STAB2: variants seen among roughly 807,000 people sequenced by gnomAD.
The protein encoded by STAB2 is stabilin-2.
Under a neutral mutation model 338.1 loss-of-function variants are expected in STAB2, and 288 were observed. The observed-to-expected ratio is 0.85, with a 90% confidence interval of 0.77 to 0.94. The LOEUF is 0.94. Ranked by LOEUF, STAB2 falls within the 40% of genes least tolerant of loss-of-function variation. The pLI, the probability that STAB2 is intolerant of heterozygous loss-of-function variation, is 0.00. For synonymous variants in STAB2, 1,202 were observed against 1,193.3 expected (o/e 1.01, Z -0.15); for missense variants, 3,141 against 3,210.1 (o/e 0.98, Z 0.52).
chr12:103,617,599 C>T (rs1264454160), intron 3 of STAB2, among the ~76,000 whole-genome samples: 1 of 152,204 alleles, frequency 6.6e-6, no homozygotes, highest in African/African-American at 2.4e-5. Flanking sequence ...TGCAATGTCC[C>T]AGCTCCTCCC....
At chr12:103,645,364 T>C (rs1873252407) in intron 9 of STAB2, among the ~76,000 whole-genome samples, 1 of 152,196 alleles carries the variant, frequency 6.6e-6, no homozygotes, top group African/African-American at 2.4e-5. Context: ...ATGCATTCCA[T>C]TAGCACTGAG....
At chr12:103,669,353 G>T (rs75406276) in intron 20 of STAB2, 188 bp from the exon 21 acceptor site, 29,742 of 586,850 alleles carry the variant, frequency 0.051, 927 homozygotes, top group African/African-American at 0.078. Flanking sequence ...CCAGGGGAGG[G>T]GCTCAGTAGA....
intron 10 of STAB2, 106 bp downstream of exon 10, chr12:103,648,929 A>C (rs2138722118): frequency 6.7e-7 from 1 of 1,485,910 alleles, no homozygotes; most frequent in South Asian, 1.4e-5. Flanking sequence ...TGTCTATTAG[A>C]ATCAGCCTTT....
intron 52 of STAB2, among the ~76,000 whole-genome samples, chr12:103,736,437 C>T (rs1163371788): frequency 1.3e-5 from 2 of 152,188 alleles, no homozygotes; most frequent in Non-Finnish European, 2.9e-5. Flanking sequence ...ATTAGAATTG[C>T]ATTGAATTTA....
At chr12:103,687,992 A>G (rs1877581335) in intron 27 of STAB2, among the ~76,000 whole-genome samples, 176 bp from the exon 28 acceptor site, 1 of 152,254 alleles carries the variant, frequency 6.6e-6, no homozygotes, top group South Asian at 2.1e-4. Flanking sequence ...ATGGAAATGC[A>G]GCTAGCTGGA....
rs369188029 is a variant in STAB2, at chr12:103,748,988, C to T, written c.6270C>T (p.Asn2090=). Reference sequence around the variant, plus strand: ...TTGTGGATTTCTGCAAACAGGACAACGGGGGCTGTGCAAAGGTGGCCAGAT... The same window carrying T: ...TTGTGGATTTCTGCAAACAGGACAATGGGGGCTGTGCAAAGGTGGCCAGAT... ...CTVVDFCKQD[N]GGCAKVARCS... The change falls in exon 59 of 69, where the codon AAC becomes AAT. Residue 2090 remains asparagine, a synonymous_variant. Transcript: ENST00000388887. 64 of 1,613,706 alleles carry T rather than the reference C, an allele frequency of 4.0e-5. No homozygotes were observed. Among genetic ancestry groups the T allele is most frequent in the Admixed American group, 1.2e-4 (7 of 59,976 alleles).
intron 33 of STAB2, among the ~76,000 whole-genome samples, chr12:103,697,826 G>A (rs1003883802): frequency 5.9e-5 from 9 of 152,220 alleles, no homozygotes; most frequent in African/African-American, 1.9e-4. Flanking sequence ...GAGAACAATG[G>A]GAGGAGGTTG....
At chr12:103,704,462 A>G in intron 35 of STAB2, 96 bp from the exon 36 acceptor site, 1 of 1,271,364 alleles carries the variant, frequency 7.9e-7, no homozygotes, top group Non-Finnish European at 1.1e-6. Context: ...ATCTGCCTTG[A>G]TTTTTAATTC....
intron 3 of STAB2, among the ~76,000 whole-genome samples, chr12:103,606,600 A>G (rs1957031609): frequency 6.6e-6 from 1 of 152,056 alleles, no homozygotes; most frequent in Non-Finnish European, 1.5e-5. Context: ...TTTTTGAAAG[A>G]TATTGTTGTA....
At chr12:103,607,522 G>T (rs1240090788) in intron 3 of STAB2, among the ~76,000 whole-genome samples, 1 of 151,890 alleles carries the variant, frequency 6.6e-6, no homozygotes, top group Non-Finnish European at 1.5e-5. Context: ...ATCTCCTAAT[G>T]CTATCCCTCC....
intron 44 of STAB2, among the ~76,000 whole-genome samples, chr12:103,718,353 C>A (rs186036540): frequency 1.3e-5 from 2 of 152,294 alleles, no homozygotes; most frequent in Non-Finnish European, 2.9e-5. Flanking sequence ...AACTACCCTC[C>A]ATGGCCCCTA....
chr12:103,640,022 A>G, intron 8 of STAB2, 101 bp from the exon 9 acceptor site: 1 of 1,410,160 alleles, frequency 7.1e-7, no homozygotes, highest in Non-Finnish European at 9.6e-7. Flanking sequence ...ACATACTCTG[A>G]GTGAGTTTTT....
At chr12:103,649,141 C>T (rs1314684863) in intron 10 of STAB2, among the ~76,000 whole-genome samples, 1 of 152,114 alleles carries the variant, frequency 6.6e-6, no homozygotes, top group East Asian at 1.9e-4. Context: ...ACAAACTGTC[C>T]CCCTCGTCCT....
chr12:103,749,030 G>A lies in STAB2; in HGVS notation c.6312G>A (p.Thr2104=), dbSNP rs151012888. 31 of 1,613,986 alleles carry A rather than the reference G, an allele frequency of 1.9e-5. No individual in the cohort carries two copies. The highest frequency in any genetic ancestry group is 3.3e-4 in the Middle Eastern group (2 of 6,084). Residue 2104 remains threonine, a synonymous_variant, in exon 59 of 69, where the codon ACG becomes ACA. Transcript: ENST00000388887. The part of the protein sequence containing the change: ...AKVARCSQKG[T]KVSCSCQKGY... The stretch of plus-strand genomic sequence containing the variant: ...TGGCCAGATGCTCCCAGAAGGGCAC[G>A]AAGGTCTCCTGCAGCTGCCAGAAGG...
At chr12:103,617,915 T>C (rs1783737875) in intron 3 of STAB2, among the ~76,000 whole-genome samples, 1 of 152,210 alleles carries the variant, frequency 6.6e-6, no homozygotes, top group South Asian at 2.1e-4. Context: ...GACTGTGTCG[T>C]TTACTAATAT....
At chr12:103,749,841 C>CAGAAAA (rs1883451814) in intron 59 of STAB2, among the ~76,000 whole-genome samples, 1 of 51,132 alleles carries the variant, frequency 2.0e-5, no homozygotes, top group Non-Finnish European at 3.5e-5. Context: ...CTCTGTCTCA[C>CAGAAAA]AAAAAAAAAA....
chr12:103,722,906 A>G (rs968986679), intron 44 of STAB2, among the ~76,000 whole-genome samples: 1 of 152,218 alleles, frequency 6.6e-6, no homozygotes, highest in Non-Finnish European at 1.5e-5. Flanking sequence ...ACCCTCAGAT[A>G]GAAGCAGACG....
chr12:103,600,503 C>T (rs1390281305), intron 3 of STAB2, among the ~76,000 whole-genome samples: 2 of 152,214 alleles, frequency 1.3e-5, no homozygotes, highest in Non-Finnish European at 2.9e-5. Context: ...CTGATCCCAT[C>T]ACAGAGACTC....
At chr12:103,729,945 T>A (rs529172839) in intron 48 of STAB2, among the ~76,000 whole-genome samples, 171 bp from the exon 49 acceptor site, 163 of 152,382 alleles carry the variant, frequency 1.1e-3, no homozygotes, top group Non-Finnish European at 1.9e-3. Context: ...AAGTTACATT[T>A]TTATCTCTGT....
Sources: allele counts gnomAD v4.1 joint callset (sites outside exome capture counted in the v4.1 genomes callset), GRCh38; gene constraint gnomAD v4.1.1; transcripts MANE v1.5; gene names NCBI Gene and HGNC (gene_info 2026-07-23, HGNC 2026-07-21).